Variants in ZNF117 observed in about 807,000 individuals in gnomAD.
ZNF117 encodes the protein Krueppel-related zinc finger protein.
Under a neutral mutation model 41.2 loss-of-function variants are expected in ZNF117, and 37 were observed. The ratio of observed to expected loss-of-function variants is 0.90; its 90% CI spans 0.69 to 1.18. The LOEUF (loss-of-function observed/expected upper bound fraction) is 1.18. Among genes scored for constraint, ZNF117 ranks in the 50% most tolerant of loss-of-function variants. The probability of loss-of-function intolerance (pLI) is 0.00; values close to 1 mark genes in which losing one functional copy is unlikely to be tolerated. For missense variants in ZNF117, 546 were observed against 557.5 expected, an observed-to-expected ratio of 0.98 and a Z score of 0.21; for synonymous variants, 186 against 186.6, an observed-to-expected ratio of 1.00 and a Z score of 0.02.
upstream of ZNF117, among the ~76,000 whole-genome samples, chr7:64,986,125 T>TG (rs1786129772): frequency 7.1e-6 from 1 of 141,026 alleles, no homozygotes. Context: ...GAAATGTTTA[T>TG]GGGAAAAAAG....
rs1786243446 is a variant in ZNF117, at chr7:64,990,654, T to C, written c.-903A>G. The C allele has an allele frequency of 6.6e-6, 1 of 152,278 alleles. No homozygotes were observed. Among genetic ancestry groups the C allele is most frequent in the Non-Finnish European group, 1.5e-5 (1 of 68,078 alleles). The allele number at this position is 152,278 out of a possible 1,614,324, so 9.4% of individuals were successfully genotyped here. ...GAAAAACAAGAACTTACAAAATCTT[T>C]ACAGACTTGCAGAAATAGTTACAAA... On this transcript the variant is annotated 5_prime_UTR_variant, in exon 1 of 4. The change abolishes the stop of an existing upstream ORF in the 5' untranslated region. Transcript: ENST00000282869.
At chr7:64,982,314 A>C (rs1213512652), upstream of ZNF117, among the ~76,000 whole-genome samples, 4 of 152,208 alleles carry the variant, frequency 2.6e-5, no homozygotes, top group Non-Finnish European at 4.4e-5. Flanking sequence ...TGAGAAAAGA[A>C]AGTGGTATAA....
exon 3 of ZNF117, chr7:64,977,334 ATTATC>A (rs1180743290): frequency 2.2e-5 from 9 of 413,502 alleles, no homozygotes; most frequent in Non-Finnish European, 3.8e-5. Flanking sequence ...TCCAGTGTGA[ATTATC>A]TTATATGTAG....
upstream of ZNF117, among the ~76,000 whole-genome samples, chr7:64,983,352 T>C (rs149502602): frequency 1.3e-3 from 194 of 152,196 alleles, no homozygotes; most frequent in Non-Finnish European, 2.0e-3. Context: ...ATGAGATTTC[T>C]ACGTGGCATA....
At position 64,990,196 on chromosome 7, in the gene ZNF117, G is replaced by A. The variant is rs1165014193; in HGVS notation, c.-445C>T. On this transcript the variant is annotated 5_prime_UTR_variant, in exon 1 of 4. In the 5' UTR this introduces an upstream ATG that the reference lacks. Transcript: ENST00000282869. The stretch of plus-strand genomic sequence containing the variant: ...ACAAGCATATGAAAACAAAATTCAC[G>A]TTGTTAATTATTAGAAAAATGCAGA... 3 of 152,170 alleles carry A rather than the reference G, an allele frequency of 2.0e-5. No homozygotes were observed. Among genetic ancestry groups the A allele is most frequent in the South Asian group, 2.1e-4 (1 of 4,828 alleles). 9.4% of individuals were successfully genotyped at this position (152,170 alleles called of 1,614,324 possible).
upstream of ZNF117, among the ~76,000 whole-genome samples, chr7:64,986,451 A>T (rs1444132631): frequency 1.3e-5 from 2 of 152,190 alleles, no homozygotes; most frequent in African/African-American, 4.8e-5. Context: ...CAGACAAAAA[A>T]TGCAGGTAAT....
At chr7:64,981,319 T>C (rs1786027625) in intron 2 of ZNF117, 68 bp downstream of exon 3, 6 of 1,585,914 alleles carry the variant, frequency 3.8e-6, no homozygotes, top group Middle Eastern at 1.7e-4. Flanking sequence ...AATCACATTT[T>C]AAGCTGTGGC....
At chr7:64,979,412 A>G in exon 3 of ZNF117, 1 of 1,610,728 alleles carries the variant, frequency 6.2e-7, no homozygotes, top group Non-Finnish European at 8.5e-7. Context: ...CCACACTTTT[A>G]CAGCCTTTTC....
At chr7:64,975,506 A>T (rs1244089050) in exon 3 of ZNF117, 2 of 152,038 alleles carry the variant, frequency 1.3e-5, no homozygotes, top group Non-Finnish European at 2.9e-5. Context: ...AAAAGGTAAA[A>T]AATATTGCCC....
intron 2 of ZNF117, chr7:64,980,385 T>C (rs1640430432): frequency 6.6e-6 from 1 of 151,888 alleles, no homozygotes; most frequent in Admixed American, 6.6e-5. Flanking sequence ...AAAAAATTAA[T>C]TTTAAAAAGT....
exon 3 of ZNF117, chr7:64,977,842 T>G (rs1354877769): frequency 1.4e-5 from 16 of 1,117,530 alleles, no homozygotes; most frequent in African/African-American, 3.1e-5. Context: ...ATATGAATTT[T>G]CTTATGTTTA....
chr7:64,983,778 C>T (rs1240558745), upstream of ZNF117, among the ~76,000 whole-genome samples: 1 of 152,194 alleles, frequency 6.6e-6, no homozygotes, highest in Non-Finnish European at 1.5e-5. Flanking sequence ...ACCTCATTCA[C>T]AGACACCATG....
exon 3 of ZNF117, chr7:64,977,181 G>A: frequency 2.2e-6 from 1 of 454,922 alleles, no homozygotes; most frequent in South Asian, 1.6e-5. Context: ...CTTATGTTTA[G>A]TAAGCGTTGA....
chr7:64,989,388 T>C (rs7812013), intron 1 of ZNF117, among the ~76,000 whole-genome samples: 125,477 of 139,802 alleles, frequency 0.9, 56,802 homozygotes, highest in South Asian at 0.97. Context: ...CTTTCTTACA[T>C]GATATATAAA....
chr7:64,984,252 G>A (rs13230970), upstream of ZNF117, among the ~76,000 whole-genome samples: 136,630 of 152,170 alleles, frequency 0.9, 61,857 homozygotes, highest in South Asian at 0.97. Context: ...ATGCCTCAGC[G>A]TCCAGAGTAG....
chr7:64,982,472 T>A (rs1388125188), upstream of ZNF117, among the ~76,000 whole-genome samples: 1 of 152,212 alleles, frequency 6.6e-6, no homozygotes, highest in Non-Finnish European at 1.5e-5. Flanking sequence ...AAAAGACATG[T>A]TGAGTTAAAA....
At chr7:64,982,289 T>C (rs1339036171), upstream of ZNF117, among the ~76,000 whole-genome samples, 1 of 152,202 alleles carries the variant, frequency 6.6e-6, no homozygotes, top group African/African-American at 2.4e-5. Context: ...TATTTTCTAA[T>C]GTATTATCTA....
At chr7:64,981,277 A>T in intron 2 of ZNF117, 110 bp downstream of exon 3, 1 of 1,419,386 alleles carries the variant, frequency 7.0e-7, no homozygotes, top group Non-Finnish European at 9.7e-7. Context: ...CGGGCTTTCC[A>T]GAAACTATTT....
At chr7:64,981,923 A>G (rs1786042019) in intron 1 of ZNF117, 61 bp downstream of exon 2, 2 of 457,930 alleles carry the variant, frequency 4.4e-6, no homozygotes, top group African/African-American at 2.1e-5. Flanking sequence ...CACCAAAAAC[A>G]TTCTACAAAA....
Sources: allele counts gnomAD v4.1 joint callset (sites outside exome capture counted in the v4.1 genomes callset), GRCh38; gene constraint gnomAD v4.1.1; transcripts MANE v1.5; gene names NCBI Gene and HGNC (gene_info 2026-07-23, HGNC 2026-07-21).